TTC28: variants seen among roughly 807,000 people sequenced by gnomAD.
TTC28 encodes the protein tetratricopeptide repeat domain 28.
In TTC28, 61 loss-of-function variants were observed where a neutral mutation model predicts 198.0. That is an observed-to-expected ratio of 0.31 (90% CI 0.25 to 0.38). The LOEUF is 0.38. Ranked by LOEUF, TTC28 falls within the 10% of genes least tolerant of loss-of-function variation. The pLI, the probability that TTC28 is intolerant of heterozygous loss-of-function variation, is 1.00. For synonymous variants in TTC28, 1,171 were observed against 1,297.8 expected (o/e 0.90, Z 2.10); for missense variants, 2,678 against 3,164.0 (o/e 0.85, Z 3.69).
At chr22:28,647,711 C>G (rs1051434868) in intron 1 of TTC28, among the ~76,000 whole-genome samples, 1 of 151,008 alleles carries the variant, frequency 6.6e-6, no homozygotes, top group Non-Finnish European at 1.5e-5. Context: ...TGGTGGCAGG[C>G]GCCTGTAGTC....
chr22:28,083,951 G>C (rs1941461766), intron 12 of TTC28, among the ~76,000 whole-genome samples: 1 of 152,272 alleles, frequency 6.6e-6, no homozygotes, highest in African/African-American at 2.4e-5. Flanking sequence ...CAAGGCGGAA[G>C]CGAGGCTGTG....
At position 28,262,217 on chromosome 22, in the gene TTC28, A is replaced by G. The variant is rs369646414; in HGVS notation, c.933+33981T>C. 7.9e-5 allele frequency among the ~76,000 whole-genome samples: 12 copies of G among 152,238 alleles called. No homozygotes were observed. The South Asian group carries it at 2.5e-3, about 32-fold the overall frequency. On this transcript the variant is annotated intron_variant, in intron 5 of 22. Coordinates refer to ENST00000397906, the MANE Select transcript of TTC28 (RefSeq NM_001145418.2). Reference sequence around the variant, plus strand: ...AGGCAAAATAAAAGTTAAGGTCATCAGTTCAAGCAGAGACACCTTGGTGTC... The same window carrying G: ...AGGCAAAATAAAAGTTAAGGTCATCGGTTCAAGCAGAGACACCTTGGTGTC...
At chr22:28,579,836 G>A (rs1417640071) in intron 2 of TTC28, among the ~76,000 whole-genome samples, 1 of 151,954 alleles carries the variant, frequency 6.6e-6, no homozygotes, top group Non-Finnish European at 1.5e-5. Flanking sequence ...CAGGCATGGT[G>A]GCACACACCT....
chr22:28,236,339 TG>T (rs1359437821), intron 5 of TTC28, among the ~76,000 whole-genome samples: 1 of 152,244 alleles, frequency 6.6e-6, no homozygotes, highest in African/African-American at 2.4e-5. Context: ...TTCCTTATCC[TG>T]TAACATGTAT....
In TTC28 at chr22:28,105,233, T is replaced by C. The variant is rs752830175; in HGVS notation, c.3307+46A>G. The C allele has an allele frequency of 1.8e-4, 278 of 1,524,836 alleles. 1 individual carries two copies. The highest frequency in any genetic ancestry group is 2.3e-4 in the Non-Finnish European group (264 of 1,131,734). The allele number at this position is 1,524,836 out of a possible 1,614,324, so 94.5% of individuals were successfully genotyped here. On this transcript the variant is annotated intron_variant, in intron 8 of 22. Coordinates refer to ENST00000397906, the MANE Select transcript of TTC28 (RefSeq NM_001145418.2). ...TGAGTCTTGAGTTCTGACTCTGAAC[T>C]TGATTTCAAGTAGGCCAAGAGAACA...
chr22:28,212,313 CT>C (rs1415375442), intron 5 of TTC28, among the ~76,000 whole-genome samples: 1 of 151,622 alleles, frequency 6.6e-6, no homozygotes, highest in Non-Finnish European at 1.5e-5. Context: ...ACAAAAAACC[CT>C]TCAAAAAATC....
rs75533475 is a variant in TTC28 at position 28,514,689 on chromosome 22, G to A, written c.381+114863C>T. On this transcript the variant is annotated intron_variant, in intron 2 of 22. Coordinates refer to ENST00000397906, the MANE Select transcript of TTC28 (RefSeq NM_001145418.2). ...CATTCCAACACTTACACATGCCTGT[G>A]CGCAGCAGAGAGAATAGCATTCACT... is the stretch of plus-strand genomic sequence containing the variant. Among the ~76,000 whole-genome samples, 627 of 152,278 alleles carry A rather than the reference G, an allele frequency of 4.1e-3. 16 individuals are homozygous for A. The highest frequency in any genetic ancestry group is 5.3e-3 in the Admixed American group (81 of 15,288).
At chr22:28,281,588 T>A (rs1158513710) in intron 5 of TTC28, among the ~76,000 whole-genome samples, 3 of 152,328 alleles carry the variant, frequency 2.0e-5, no homozygotes, top group East Asian at 3.9e-4. Context: ...TCACTGAATA[T>A]CTTTTTTCTT....
chr22:28,301,246 C>T (rs1037553567), intron 3 of TTC28, among the ~76,000 whole-genome samples: 5 of 152,102 alleles, frequency 3.3e-5, no homozygotes, highest in African/African-American at 1.2e-4. Flanking sequence ...GGGCTATTAG[C>T]AAAGGGACTA....
At chr22:28,533,172 C>T (rs1018069454) in intron 2 of TTC28, among the ~76,000 whole-genome samples, 3 of 152,108 alleles carry the variant, frequency 2.0e-5, no homozygotes, top group Non-Finnish European at 4.4e-5. Flanking sequence ...CATCTCAGCC[C>T]AAAATCTCCT....
chr22:27,993,487 C>T lies in TTC28; in HGVS notation c.5276G>A (p.Gly1759Glu), dbSNP rs1569072241. The T allele has an allele frequency of 6.5e-7, 1 of 1,549,812 alleles. No individual in the cohort carries two copies. The highest frequency in any genetic ancestry group is 8.7e-7 in the Non-Finnish European group (1 of 1,145,812). Reference sequence around the variant, plus strand: ...GGATGTGTACATGGCATTGCGCTGCCCATTCTGGATGCGCTGCAGGGATTT... The same window carrying T: ...GGATGTGTACATGGCATTGCGCTGCTCATTCTGGATGCGCTGCAGGGATTT... ...VEKSLQRIQN[G>E]QRNAMYTSQQ... Residue 1759 changes from glycine (G) to glutamate (E), a missense_variant, in exon 18 of 23, where the codon GGG becomes GAG. Gly to Glu is a moderately conservative substitution (Grantham distance 98). Around this residue, in one of 8 missense-constraint regions of TTC28, gnomAD observed 314 missense variants for 442.7 expected, o/e 0.71. Coordinates refer to ENST00000397906, the MANE Select transcript of TTC28 (RefSeq NM_001145418.2).
intron 2 of TTC28, among the ~76,000 whole-genome samples, chr22:28,621,435 C>T (rs180784527): frequency 4.6e-5 from 7 of 151,994 alleles, no homozygotes. Flanking sequence ...AGAAAAAAGG[C>T]TGGGCCTCAT....
rs1359510429 is a variant in TTC28, at chr22:28,472,750, C to CA, written c.381+156801dup. ...GAGGAAATGATCAAAGAAATAATTC[C>CA]AAAAAATTCCCAAAGGACACTGTTT... is the stretch of plus-strand genomic sequence containing the variant. On this transcript the variant is annotated intron_variant, in intron 2 of 22. Coordinates refer to ENST00000397906, the MANE Select transcript of TTC28 (RefSeq NM_001145418.2). 4.6e-5 allele frequency among the ~76,000 whole-genome samples: 7 copies of CA among 151,928 alleles called. No individual in the cohort carries two copies. In the South Asian group the frequency reaches 1.5e-3, roughly 32 times the overall value.
At chr22:28,471,108 T>C (rs2048091676) in intron 2 of TTC28, among the ~76,000 whole-genome samples, 1 of 152,204 alleles carries the variant, frequency 6.6e-6, no homozygotes, top group South Asian at 2.1e-4. Flanking sequence ...CACCAATACT[T>C]TCATCTTTCA....
At chr22:28,656,065 C>T (rs1235792101) in intron 1 of TTC28, among the ~76,000 whole-genome samples, 7 of 152,106 alleles carry the variant, frequency 4.6e-5, no homozygotes, top group Non-Finnish European at 7.3e-5. Context: ...GCTGAAAGGA[C>T]GCAAAGATAA....
chr22:28,602,403 G>T (rs911134075), intron 2 of TTC28, among the ~76,000 whole-genome samples: 1 of 152,160 alleles, frequency 6.6e-6, no homozygotes, highest in Non-Finnish European at 1.5e-5. Flanking sequence ...CTGTGGTTTA[G>T]AAAGCAGTAC....
At chr22:28,207,302 T>C (rs1050832177) in intron 5 of TTC28, among the ~76,000 whole-genome samples, 2 of 149,956 alleles carry the variant, frequency 1.3e-5, no homozygotes, top group African/African-American at 4.9e-5. Flanking sequence ...TCTGGGTTAA[T>C]TTATCCTAAA....
chr22:28,511,097 G>A (rs374108947), intron 2 of TTC28, among the ~76,000 whole-genome samples: 1 of 152,152 alleles, frequency 6.6e-6, no homozygotes, highest in South Asian at 2.1e-4. Flanking sequence ...GTAATTTATA[G>A]ATTCAATGGT....
At chr22:28,414,404 T>G (rs1260322014) in intron 2 of TTC28, among the ~76,000 whole-genome samples, 1 of 152,198 alleles carries the variant, frequency 6.6e-6, no homozygotes, top group Non-Finnish European at 1.5e-5. Flanking sequence ...CAGTGTGTCA[T>G]GTTCTAGGGA....
Sources: gnomAD v4.1 joint callset for allele counts (sites outside exome capture counted in the v4.1 genomes callset) on GRCh38, gnomAD v4.1.1 for gene constraint, gnomAD v4.1.1 regional missense constraint, MANE v1.5 for transcripts, NCBI Gene and HGNC (gene_info 2026-07-23, HGNC 2026-07-21) for gene names.